The following SLC36A1 variants were observed in gnomAD, a reference collection of about 807,000 sequenced individuals.
SLC36A1 encodes the protein solute carrier family 36 member 1, also known as proton-coupled amino acid transporter 1.
In SLC36A1, 30 loss-of-function variants were observed where a neutral mutation model predicts 47.5. The ratio of observed to expected loss-of-function variants is 0.63; its 90% CI spans 0.47 to 0.86. The LOEUF is 0.86. Ranked by LOEUF, SLC36A1 falls within the 40% of genes least tolerant of loss-of-function variation. The probability of loss-of-function intolerance (pLI) is 0.00; values close to 1 mark genes in which losing one functional copy is unlikely to be tolerated. For missense variants in SLC36A1, 517 were observed against 606.0 expected, an observed-to-expected ratio of 0.85 and a Z score of 1.54; for synonymous variants, 255 against 249.7, an observed-to-expected ratio of 1.02 and a Z score of -0.20.
chr5:151,418,839 G>A, the SLC36A1 span, among the ~76,000 whole-genome samples: 1 of 152,140 alleles, frequency 6.6e-6, no homozygotes, highest in Admixed American at 6.5e-5. Context: ...GGAATGATAT[G>A]GTTAGGCTTT....
chr5:151,457,584 C>G (rs374661682), intron 1 of SLC36A1, among the ~76,000 whole-genome samples: 1 of 152,092 alleles, frequency 6.6e-6, no homozygotes, highest in Non-Finnish European at 1.5e-5. Flanking sequence ...GATGTTGAGA[C>G]GAGGGCCAGG....
the SLC36A1 span, chr5:151,531,451 A>G: frequency 2.3e-5 from 28 of 1,217,030 alleles, no homozygotes; most frequent in African/African-American, 1.5e-5. This position sits in a 1 kb window ranked among gnomAD's most constrained non-coding sequence, Gnocchi z 5.7. Flanking sequence ...GAGAAGCAGA[A>G]GAGAATGGAG....
At chr5:151,509,252 T>C in the SLC36A1 span, among the ~76,000 whole-genome samples, 36 of 152,322 alleles carry the variant, frequency 2.4e-4, no homozygotes, top group South Asian at 6.8e-3. Context: ...TGGTTAAATG[T>C]ACAGATTGCT....
chr5:151,407,408 G>C, the SLC36A1 span, among the ~76,000 whole-genome samples: 20 of 152,186 alleles, frequency 1.3e-4, 1 homozygote, highest in Admixed American at 4.6e-4. Flanking sequence ...TAGACACAGA[G>C]CACTGATTGG....
chr5:151,465,439 C>T (rs1393331908), intron 5 of SLC36A1, among the ~76,000 whole-genome samples: 2 of 152,170 alleles, frequency 1.3e-5, no homozygotes, highest in African/African-American at 4.8e-5. Flanking sequence ...GGTCTATGAC[C>T]AGTGATTGTT....
the SLC36A1 span, among the ~76,000 whole-genome samples, chr5:151,410,824 G>T: frequency 4.2e-5 from 6 of 144,456 alleles, 2 homozygotes; most frequent in Non-Finnish European, 9.2e-5. Context: ...CAGCACTCTT[G>T]ACATTCAGGG....
At chr5:151,461,751 A>C (rs1561744955) in intron 2 of SLC36A1, among the ~76,000 whole-genome samples, 1 of 152,230 alleles carries the variant, frequency 6.6e-6, no homozygotes, top group African/African-American at 2.4e-5. Flanking sequence ...ATGCGCAAAG[A>C]AAAAAGCCCT....
the SLC36A1 span, among the ~76,000 whole-genome samples, chr5:151,353,206 GA>G: frequency 7.9e-5 from 12 of 152,264 alleles, no homozygotes; most frequent in African/African-American, 2.9e-4. Context: ...ATATAATATA[GA>G]TATCATAGAC....
At chr5:151,512,380 A>G in the SLC36A1 span, 20 of 1,614,212 alleles carry the variant, frequency 1.2e-5, no homozygotes, top group Non-Finnish European at 1.7e-5. This position sits in a 1 kb window ranked among gnomAD's most constrained non-coding sequence, Gnocchi z 4.1. Context: ...ATGCAACAGA[A>G]TGAGGCCGCC....
At chr5:151,551,965 A>G in the SLC36A1 span, among the ~76,000 whole-genome samples, 1 of 147,340 alleles carries the variant, frequency 6.8e-6, no homozygotes, top group Non-Finnish European at 1.5e-5. Context: ...ATACTTTAAT[A>G]TAACCCTAAG....
the SLC36A1 span, among the ~76,000 whole-genome samples, chr5:151,551,976 GGTGTGTGTGTGT>G: frequency 2.6e-4 from 37 of 143,648 alleles, no homozygotes; most frequent in Middle Eastern, 0.01. Context: ...TAACCCTAAG[GGTGTGTGTGTGT>G]GTGTGTGTGT....
the SLC36A1 span, among the ~76,000 whole-genome samples, chr5:151,521,106 A>G: frequency 1.3e-5 from 2 of 152,226 alleles, no homozygotes; most frequent in East Asian, 1.9e-4. Flanking sequence ...GTATTATTCC[A>G]TAACTAGATT....
chr5:151,534,173 GA>G, the SLC36A1 span, among the ~76,000 whole-genome samples: 1 of 152,182 alleles, frequency 6.6e-6, no homozygotes, highest in African/African-American at 2.4e-5. Flanking sequence ...AGTGGAAGGG[GA>G]GAAACAATAA....
the SLC36A1 span, among the ~76,000 whole-genome samples, chr5:151,377,509 C>T: frequency 9.9e-5 from 15 of 151,418 alleles, no homozygotes; most frequent in East Asian, 5.8e-4. Flanking sequence ...CCACCATGCC[C>T]GGCTAATTTT....
chr5:151,362,910 A>G, the SLC36A1 span, among the ~76,000 whole-genome samples: 5 of 152,222 alleles, frequency 3.3e-5, no homozygotes, highest in African/African-American at 7.2e-5. Flanking sequence ...GAGCTCACAT[A>G]TCACAGTCTT....
chr5:151,381,723 G>A, the SLC36A1 span, among the ~76,000 whole-genome samples: 1 of 152,098 alleles, frequency 6.6e-6, no homozygotes. Flanking sequence ...AACTGACTCA[G>A]TGCAAGAAGA....
the SLC36A1 span, chr5:151,378,572 A>G: frequency 4.8e-6 from 1 of 209,770 alleles, no homozygotes; most frequent in Non-Finnish European, 1.0e-5. Context: ...CTGTCGAGTC[A>G]GCCAGGCAGA....
the SLC36A1 span, among the ~76,000 whole-genome samples, chr5:151,410,007 C>T: frequency 6.6e-6 from 1 of 152,240 alleles, no homozygotes; most frequent in Non-Finnish European, 1.5e-5. Flanking sequence ...AAGCCCTTTA[C>T]ATGAATAAAT....
the SLC36A1 span, among the ~76,000 whole-genome samples, chr5:151,515,790 C>G: frequency 1.1e-4 from 17 of 152,234 alleles, no homozygotes; most frequent in African/African-American, 4.1e-4. Context: ...CTGGGTCTCT[C>G]TGCTCCTATC....
Sources: gnomAD v4.1 joint callset for allele counts (sites outside exome capture counted in the v4.1 genomes callset) on GRCh38, gnomAD v4.1.1 for gene constraint, Gnocchi (gnomAD v3.1) non-coding constraint, MANE v1.5 for transcripts, NCBI Gene and HGNC (gene_info 2026-07-23, HGNC 2026-07-21) for gene names.